Variants in SOX5 observed in about 807,000 individuals in gnomAD.
SOX5 encodes transcription factor SOX-5.
A neutral mutation model predicts 92.0 loss-of-function variants in SOX5; 9 were observed. The observed-to-expected ratio is 0.10, with a 90% CI of 0.06 to 0.17. SOX5 has a LOEUF of 0.17. SOX5 is among the 10% of genes least tolerant of loss of function. The pLI is 1.00. For missense variants in SOX5, 642 were observed against 944.5 expected, an observed-to-expected ratio of 0.68 and a Z score of 4.20; for synonymous variants, 344 against 336.3, an observed-to-expected ratio of 1.02 and a Z score of -0.25.
intron 4 of SOX5, among the ~76,000 whole-genome samples, chr12:24,198,927 G>C (rs1206327773): frequency 6.6e-6 from 1 of 152,204 alleles, no homozygotes; most frequent in Non-Finnish European, 1.5e-5. Flanking sequence ...CCTGCTCCCC[G>C]TGTGGCGCTC....
Position 24,142,614 on chromosome 12 carries a change from A to C in SOX5, c.-2+70729T>G, listed in dbSNP as rs138835648. On this transcript the variant is annotated intron_variant, in intron 4 of 4. Coordinates refer to the SOX5 transcript ENST00000446891. ...GCCTGAAATAACGTCTAAACAATGG[A>C]CCTAATATATGTAACAATGCTTTGC... Among the ~76,000 whole-genome samples, 164 of 152,198 alleles carry C rather than the reference A, an allele frequency of 1.1e-3. 1 individual carries two copies. The highest frequency in any genetic ancestry group is 2.0e-3 in the Non-Finnish European group (136 of 68,020).
chr12:24,283,959 T>C (rs1478378754), intron 2 of SOX5, among the ~76,000 whole-genome samples: 2 of 152,222 alleles, frequency 1.3e-5, no homozygotes, highest in Non-Finnish European at 2.9e-5. Context: ...TCATAGACTC[T>C]ACTATGTAGA....
intron 3 of SOX5, among the ~76,000 whole-genome samples, chr12:24,240,001 A>G (rs1419157922): frequency 1.3e-5 from 2 of 152,174 alleles, no homozygotes; most frequent in African/African-American, 4.8e-5. Context: ...AGCAAAATGT[A>G]TGTATCTTTT....
At chr12:24,445,465 A>G (rs1486244241) in intron 1 of SOX5, among the ~76,000 whole-genome samples, 1 of 152,218 alleles carries the variant, frequency 6.6e-6, no homozygotes, top group African/African-American at 2.4e-5. Flanking sequence ...TAGACAGATG[A>G]CTTTTGAATA....
chr12:24,464,406 T>TCCGCCTCCAGGGTTCACG (rs2137532615), intron 1 of SOX5, among the ~76,000 whole-genome samples: 1 of 151,294 alleles, frequency 6.6e-6, no homozygotes, highest in East Asian at 2.0e-4. Flanking sequence ...CACTGCAAGC[T>TCCGCCTCCAGGGTTCACG]CCGCCTCCAG....
rs1032015240 is a variant in SOX5, at chr12:24,078,828, C to A, written c.-2+134515G>T. On this transcript the variant is annotated intron_variant, in intron 4 of 4. Coordinates refer to the SOX5 transcript ENST00000446891. The stretch of plus-strand genomic sequence containing the variant: ...TATTTAGCATTTCTAGAATATGTAT[C>A]TTTACAGAGCACTTTTTAAGGCATT... Among the ~76,000 whole-genome samples, 4 of 152,008 alleles carry A rather than the reference C, an allele frequency of 2.6e-5. No individual in the cohort carries two copies. The South Asian group carries it at 8.3e-4, about 31-fold the overall frequency.
chr12:23,951,610 A>G (rs958923391), upstream of SOX5, among the ~76,000 whole-genome samples: 22 of 151,864 alleles, frequency 1.4e-4, no homozygotes, highest in African/African-American at 4.6e-4. Flanking sequence ...TAATAACTTA[A>G]TATTTAATTC....
chr12:24,356,457 T>C (rs532815850), intron 2 of SOX5, among the ~76,000 whole-genome samples: 5 of 151,434 alleles, frequency 3.3e-5, no homozygotes, highest in African/African-American at 1.2e-4. Context: ...CTCTCTCTCT[T>C]TCTCTCTTGG....
chr12:23,850,164 C>T (rs1467147660), intron 2 of SOX5, among the ~76,000 whole-genome samples: 1 of 152,112 alleles, frequency 6.6e-6, no homozygotes, highest in African/African-American at 2.4e-5. Context: ...GGCATTGTGG[C>T]TCACTCCTGT....
chr12:24,476,451 T>G (rs1945389245), intron 1 of SOX5, among the ~76,000 whole-genome samples: 1 of 152,096 alleles, frequency 6.6e-6, no homozygotes, highest in Admixed American at 6.6e-5. Context: ...CATTCTACAG[T>G]GGCCAATTTG....
intron 4 of SOX5, among the ~76,000 whole-genome samples, chr12:24,090,161 T>C (rs1366582152): frequency 1.3e-5 from 2 of 152,208 alleles, no homozygotes; most frequent in Admixed American, 6.5e-5. Context: ...TGCATTTTTA[T>C]TAAAAGCCTA....
chr12:23,724,310 G>A (rs1465557372), intron 6 of SOX5, among the ~76,000 whole-genome samples: 3 of 151,946 alleles, frequency 2.0e-5, no homozygotes, highest in African/African-American at 7.2e-5. Context: ...ACAGGCCTCA[G>A]TTCTATCATC....
intron 4 of SOX5, among the ~76,000 whole-genome samples, chr12:24,158,705 C>T (rs2138949135): frequency 6.6e-6 from 1 of 152,006 alleles, no homozygotes; most frequent in Middle Eastern, 3.4e-3. Context: ...CTTTGAGATA[C>T]ACCTCAAAAA....
rs1938841992 is a variant in SOX5, at chr12:23,530,816, TGTGCGCGC to T, written c.*3395_*3402del. On this transcript the variant is annotated 3_prime_UTR_variant, in exon 15 of 15. Transcript: ENST00000451604. ...TGGGGCAAGTGTGTGTGTGTGTGTG[TGTGCGCGC>T]GCGCGCGCGCGCATGTGAGAGAGAG... is the stretch of plus-strand genomic sequence containing the variant. 1 of 132,566 alleles carries T rather than the reference TGTGCGCGC, an allele frequency of 7.5e-6. No individual in the cohort carries two copies. The highest frequency in any genetic ancestry group is 2.5e-4 in the East Asian group (1 of 3,942). 8.2% of individuals were successfully genotyped at this position (132,566 alleles called of 1,614,324 possible). A position where few individuals can be genotyped will look rare whatever the true frequency, so the allele number is the denominator to read the frequency against.
intron 1 of SOX5, among the ~76,000 whole-genome samples, chr12:24,369,748 T>C (rs936845394): frequency 6.6e-6 from 1 of 152,234 alleles, no homozygotes; most frequent in African/African-American, 2.4e-5. Context: ...CTGCAATTGA[T>C]GTCAGAAGTG....
At chr12:24,271,805 C>G (rs542923643) in intron 3 of SOX5, among the ~76,000 whole-genome samples, 2 of 152,154 alleles carry the variant, frequency 1.3e-5, no homozygotes, top group Admixed American at 1.3e-4. Context: ...TCTCTATTGT[C>G]TCTCATTTGC....
At chr12:24,008,063 T>C (rs1024754835) in intron 4 of SOX5, among the ~76,000 whole-genome samples, 1 of 151,928 alleles carries the variant, frequency 6.6e-6, no homozygotes, top group African/African-American at 2.4e-5. Context: ...TAGAGAGAAA[T>C]AACTATAGAG....
chr12:23,961,424 T>C (rs991398279), intron 4 of SOX5, among the ~76,000 whole-genome samples: 3 of 152,184 alleles, frequency 2.0e-5, no homozygotes, highest in African/African-American at 7.2e-5. Flanking sequence ...ATGAATTTCA[T>C]GTTCTAGGTA....
intron 3 of SOX5, among the ~76,000 whole-genome samples, chr12:24,254,718 A>AATATATATATATATATATATAT (rs10556060): frequency 1.4e-4 from 21 of 146,686 alleles, no homozygotes; most frequent in South Asian, 8.8e-4. Flanking sequence ...GGGCTGCTCA[A>AATATATATATATATATATATAT]ATATATATAT....
Sources: allele counts gnomAD v4.1 joint callset (sites outside exome capture counted in the v4.1 genomes callset), GRCh38; gene constraint gnomAD v4.1.1; transcripts MANE v1.5; gene names NCBI Gene and HGNC (gene_info 2026-07-23, HGNC 2026-07-21).